Variants in PALM2AKAP2 observed in about 807,000 individuals in gnomAD.
The protein encoded by PALM2AKAP2 is PALM2-AKAP2 fusion protein.
PALM2AKAP2 carries 37 observed loss-of-function variants against 71.5 expected under a neutral mutation model. That is an observed-to-expected ratio of 0.52 (90% CI 0.40 to 0.68). The LOEUF (loss-of-function observed/expected upper bound fraction) is 0.68, where lower values mean the gene tolerates loss of function less well. Among genes scored for constraint, PALM2AKAP2 ranks in the 30% least tolerant of loss-of-function variants. The pLI, the probability that PALM2AKAP2 is intolerant of heterozygous loss-of-function variation, is 0.00. For missense variants in PALM2AKAP2, 1,224 were observed against 1,191.8 expected (o/e 1.03, Z -0.40); for synonymous variants, 468 against 478.8 (o/e 0.98, Z 0.29).
chr9:109,701,986 A>G (rs1400053713), intron 1 of PALM2AKAP2, among the ~76,000 whole-genome samples: 2 of 152,270 alleles, frequency 1.3e-5, no homozygotes, highest in African/African-American at 4.8e-5. Flanking sequence ...AGACACACGA[A>G]AAAATGCTCA....
intron 1 of PALM2AKAP2, among the ~76,000 whole-genome samples, chr9:109,822,700 A>G (rs1007403149): frequency 6.6e-6 from 1 of 152,168 alleles, no homozygotes; most frequent in Non-Finnish European, 1.5e-5. Flanking sequence ...TGCAAAGGAC[A>G]TGATCTCATT....
intron 1 of PALM2AKAP2, among the ~76,000 whole-genome samples, chr9:110,075,899 AT>A (rs1229511569): frequency 1.3e-5 from 2 of 151,902 alleles, no homozygotes; most frequent in Non-Finnish European, 2.9e-5. Flanking sequence ...AATTTTTAAT[AT>A]TTTTTTCTGA....
intron 3 of PALM2AKAP2, among the ~76,000 whole-genome samples, chr9:110,167,232 C>T (rs1431571320): frequency 6.6e-6 from 1 of 152,184 alleles, no homozygotes; most frequent in Non-Finnish European, 1.5e-5. Flanking sequence ...CACAGCCAAT[C>T]CATATCACCA....
intron 1 of PALM2AKAP2, among the ~76,000 whole-genome samples, chr9:109,761,870 A>G (rs1352564874): frequency 6.6e-6 from 1 of 152,200 alleles, no homozygotes; most frequent in Non-Finnish European, 1.5e-5. Flanking sequence ...ATGATTTATA[A>G]TCCTTTGGGT....
intron 1 of PALM2AKAP2, among the ~76,000 whole-genome samples, chr9:110,074,707 A>C (rs549844460): frequency 5.3e-5 from 8 of 152,336 alleles, no homozygotes; most frequent in African/African-American, 1.7e-4. Flanking sequence ...ATGAGCTTTT[A>C]AAAAGTCACC....
chr9:109,902,620 G>A (rs542443411), intron 3 of PALM2AKAP2, among the ~76,000 whole-genome samples: 11 of 152,338 alleles, frequency 7.2e-5, no homozygotes, highest in African/African-American at 2.2e-4. Context: ...AATTCAATGC[G>A]TTGAAAGGTG....
At chr9:110,158,365 A>G (rs1364694451) in intron 3 of PALM2AKAP2, among the ~76,000 whole-genome samples, 1 of 152,228 alleles carries the variant, frequency 6.6e-6, no homozygotes, top group Non-Finnish European at 1.5e-5. Flanking sequence ...ATGGGGAAGA[A>G]CAAGTAGAAC....
rs16914558 is a variant in PALM2AKAP2, at chr9:109,863,720, G to T, written c.46-3771G>T. 7.1e-3 allele frequency among the ~76,000 whole-genome samples: 1,079 copies of T among 151,322 alleles called. 13 individuals carry two copies. The highest frequency in any genetic ancestry group is 0.025 in the African/African-American group (1,028 of 41,492). The stretch of plus-strand genomic sequence containing the variant: ...TGGTGTCCTATGCAAACTTGTTGTC[G>T]TTTGACTCATATCTAATTCTGAGCG... On this transcript the variant is annotated intron_variant, in intron 1 of 9. Coordinates refer to the PALM2AKAP2 transcript ENST00000302798.
intron 1 of PALM2AKAP2, among the ~76,000 whole-genome samples, chr9:109,797,188 G>A (rs1449387459): frequency 6.6e-6 from 1 of 152,086 alleles, no homozygotes; most frequent in Non-Finnish European, 1.5e-5. Flanking sequence ...TCTCTCAGCT[G>A]GGTTGTGTCC....
chr9:109,831,353 C>A (rs912531302), intron 1 of PALM2AKAP2, among the ~76,000 whole-genome samples: 1 of 152,126 alleles, frequency 6.6e-6, no homozygotes, highest in African/African-American at 2.4e-5. Context: ...ACCTTTCAGC[C>A]TCTCACAGTT....
At chr9:110,010,455 T>C (rs1371702950) in intron 6 of PALM2AKAP2, among the ~76,000 whole-genome samples, 1 of 148,222 alleles carries the variant, frequency 6.7e-6, no homozygotes, top group Non-Finnish European at 1.5e-5. Flanking sequence ...ACATACTATA[T>C]ATATAATATG....
intron 1 of PALM2AKAP2, among the ~76,000 whole-genome samples, chr9:109,731,446 C>T (rs1259859181): frequency 6.6e-6 from 1 of 152,156 alleles, no homozygotes; most frequent in Non-Finnish European, 1.5e-5. Flanking sequence ...CTAGTCATGG[C>T]TCCAATACCC....
intron 7 of PALM2AKAP2, among the ~76,000 whole-genome samples, chr9:110,037,592 T>G (rs949414994): frequency 2.0e-5 from 3 of 152,230 alleles, no homozygotes; most frequent in African/African-American, 7.2e-5. Context: ...CTTGTACTTA[T>G]GTAGATTACA....
At chr9:109,838,961 G>T (rs764439935) in intron 1 of PALM2AKAP2, among the ~76,000 whole-genome samples, 1 of 152,204 alleles carries the variant, frequency 6.6e-6, no homozygotes, top group Non-Finnish European at 1.5e-5. Context: ...GTGGTACAAG[G>T]AGGAGCTGGT....
chr9:110,072,873 A>G (rs956749230), intron 1 of PALM2AKAP2, among the ~76,000 whole-genome samples: 5 of 152,088 alleles, frequency 3.3e-5, no homozygotes, highest in Admixed American at 1.3e-4. Flanking sequence ...CCTCTGGCCT[A>G]CCTAGCCTGC....
chr9:109,729,046 G>A (rs903607190), intron 1 of PALM2AKAP2, among the ~76,000 whole-genome samples: 1 of 152,144 alleles, frequency 6.6e-6, no homozygotes, highest in Non-Finnish European at 1.5e-5. Context: ...TGGCTGCTAC[G>A]TTTTTTCAAA....
At chr9:109,953,933 G>C (rs1564231383) in intron 6 of PALM2AKAP2, among the ~76,000 whole-genome samples, 1 of 151,036 alleles carries the variant, frequency 6.6e-6, no homozygotes, top group Non-Finnish European at 1.5e-5. Flanking sequence ...ATGCAAGAAA[G>C]ACCCAATGGC....
At chr9:110,028,792 T>C (rs1588066697) in intron 7 of PALM2AKAP2, among the ~76,000 whole-genome samples, 1 of 152,294 alleles carries the variant, frequency 6.6e-6, no homozygotes, top group East Asian at 1.9e-4. Flanking sequence ...ATTTGTTGTT[T>C]ACCTAAAATT....
intron 1 of PALM2AKAP2, among the ~76,000 whole-genome samples, chr9:109,806,188 A>C (rs1827568108): frequency 6.6e-6 from 1 of 152,236 alleles, no homozygotes; most frequent in Non-Finnish European, 1.5e-5. Flanking sequence ...GACATTACCC[A>C]ATTATAAAAT....
Sources: gnomAD v4.1 joint callset for allele counts (sites outside exome capture counted in the v4.1 genomes callset) on GRCh38, gnomAD v4.1.1 for gene constraint, MANE v1.5 for transcripts, NCBI Gene and HGNC (gene_info 2026-07-23, HGNC 2026-07-21) for gene names.